The following DLGAP2 variants were observed in gnomAD, a reference collection of about 807,000 sequenced individuals.
The protein encoded by DLGAP2 is disks large-associated protein 2.
DLGAP2 carries 26 observed loss-of-function variants against 100.3 expected under a neutral mutation model. The ratio of observed to expected loss-of-function variants is 0.26; its 90% CI spans 0.19 to 0.36. DLGAP2 has a LOEUF of 0.36. Ranked by LOEUF, DLGAP2 falls within the 10% of genes least tolerant of loss-of-function variation. The probability of loss-of-function intolerance (pLI) is 1.00; values close to 1 mark genes in which losing one functional copy is unlikely to be tolerated. For synonymous variants in DLGAP2, 886 were observed against 630.1 expected, an observed-to-expected ratio of 1.41 and a Z score of -6.08; for missense variants, 1,858 against 1,453.2, an observed-to-expected ratio of 1.28 and a Z score of -4.53.
chr8:1,495,372 C>G lies in DLGAP2; in HGVS notation c.107-5994C>G, dbSNP rs59645763. On this transcript the variant is annotated intron_variant, in intron 3 of 14. Transcript: ENST00000637795. Reference sequence around the variant, plus strand: ...AGGCAGCCGAGGACGTTTACTGTCCCGTGTTACCCGGCCACACACCCCAGG... The same window carrying G: ...AGGCAGCCGAGGACGTTTACTGTCCGGTGTTACCCGGCCACACACCCCAGG... Among the ~76,000 whole-genome samples, 3 of 152,226 alleles carry G rather than the reference C, an allele frequency of 2.0e-5. No individual in the cohort carries two copies. The East Asian group carries it at 5.8e-4, about 29-fold the overall frequency.
At chr8:1,187,734 G>A (rs373967325) in intron 2 of DLGAP2, among the ~76,000 whole-genome samples, 4 of 141,072 alleles carry the variant, frequency 2.8e-5, no homozygotes, top group South Asian at 2.3e-4. Flanking sequence ...TCACACGCCC[G>A]AGACTTCCGT....
At chr8:1,021,493 C>G (rs185070742) in intron 2 of DLGAP2, among the ~76,000 whole-genome samples, 152 of 152,276 alleles carry the variant, frequency 1.0e-3, no homozygotes, top group African/African-American at 3.4e-3. Flanking sequence ...ATTTTTGGAC[C>G]AATTATGGGA....
chr8:1,397,878 C>T (rs372834783), intron 3 of DLGAP2, among the ~76,000 whole-genome samples: 173 of 1,080 alleles, frequency 0.16, 42 homozygotes, highest in South Asian at 0.58. Context: ...TGTGACGTTT[C>T]TGTTTTTTTT....
At chr8:1,492,360 AG>A (rs1799412766) in intron 3 of DLGAP2, among the ~76,000 whole-genome samples, 1 of 152,216 alleles carries the variant, frequency 6.6e-6, no homozygotes, top group African/African-American at 2.4e-5. Context: ...TCCTGTCATT[AG>A]GGAAGCGGCT....
chr8:979,171 A>G (rs1800258682), intron 2 of DLGAP2, among the ~76,000 whole-genome samples: 1 of 152,222 alleles, frequency 6.6e-6, no homozygotes, highest in African/African-American at 2.4e-5. Flanking sequence ...TTCAAAAGCA[A>G]TCACACTGAC....
chr8:1,199,930 G>A (rs576400766), intron 2 of DLGAP2, among the ~76,000 whole-genome samples: 2 of 141,366 alleles, frequency 1.4e-5, no homozygotes, highest in African/African-American at 5.4e-5. Context: ...CCACGAGGTG[G>A]AAGGATTCCC....
chr8:1,326,196 A>G (rs995845893), intron 3 of DLGAP2, among the ~76,000 whole-genome samples: 44 of 152,320 alleles, frequency 2.9e-4, no homozygotes, highest in African/African-American at 9.6e-4. Flanking sequence ...TGCTTTTACC[A>G]TTTGTCTTTA....
chr8:1,614,917 G>A (rs1297771288), intron 6 of DLGAP2, among the ~76,000 whole-genome samples: 1 of 152,238 alleles, frequency 6.6e-6, no homozygotes, highest in Non-Finnish European at 1.5e-5. Context: ...AGGAAGTAGA[G>A]ACTATTCACA....
At chr8:1,363,300 C>G (rs929279544) in intron 3 of DLGAP2, among the ~76,000 whole-genome samples, 2 of 152,040 alleles carry the variant, frequency 1.3e-5, no homozygotes, top group Admixed American at 6.5e-5. Flanking sequence ...TCTCCTGCCT[C>G]TGCCTTGCAG....
intron 3 of DLGAP2, among the ~76,000 whole-genome samples, chr8:1,410,796 T>G (rs1468707284): frequency 1.3e-5 from 2 of 152,206 alleles, no homozygotes; most frequent in Non-Finnish European, 2.9e-5. Context: ...ATGGCCACCT[T>G]TCCCTGTGGG....
intron 3 of DLGAP2, among the ~76,000 whole-genome samples, chr8:1,260,904 G>T (rs766664883): frequency 6.6e-6 from 1 of 152,214 alleles, no homozygotes; most frequent in East Asian, 1.9e-4. Flanking sequence ...CACCACTGAC[G>T]TCAGGCCAGA....
chr8:1,661,945 G>A (rs551778994), intron 8 of DLGAP2, among the ~76,000 whole-genome samples: 11 of 152,212 alleles, frequency 7.2e-5, no homozygotes, highest in Non-Finnish European at 7.3e-5. Flanking sequence ...TGGGTGCTCT[G>A]CCAGAGCAAG....
At chr8:1,002,140 G>A (rs960843891) in intron 2 of DLGAP2, 1 of 152,168 alleles carries the variant, frequency 6.6e-6, no homozygotes, top group Non-Finnish European at 1.5e-5. Context: ...CAGGGAATTC[G>A]ATCACTGGCT....
intron 3 of DLGAP2, among the ~76,000 whole-genome samples, chr8:1,449,803 G>T (rs1027416719): frequency 2.0e-5 from 3 of 149,808 alleles, no homozygotes; most frequent in African/African-American, 7.3e-5. Flanking sequence ...CTGGGCTGCC[G>T]TGAAGACGAG....
chr8:1,006,228 A>G (rs993482024), intron 2 of DLGAP2, among the ~76,000 whole-genome samples: 1 of 152,002 alleles, frequency 6.6e-6, no homozygotes, highest in Non-Finnish European at 1.5e-5. Flanking sequence ...CCATCCCCCA[A>G]CCCCTGAAAA....
chr8:941,580 G>C (rs1563105125), intron 2 of DLGAP2, among the ~76,000 whole-genome samples: 1 of 152,104 alleles, frequency 6.6e-6, no homozygotes, highest in African/African-American at 2.4e-5. Context: ...GGCGCTATTG[G>C]AAAAAATAAC....
At chr8:1,419,924 C>T (rs887111298) in intron 3 of DLGAP2, among the ~76,000 whole-genome samples, 1 of 152,162 alleles carries the variant, frequency 6.6e-6, no homozygotes, top group African/African-American at 2.4e-5. Context: ...ACCTGAGTGT[C>T]CATCAACAGA....
chr8:1,415,141 C>G (rs765734848), intron 3 of DLGAP2, among the ~76,000 whole-genome samples: 2 of 152,208 alleles, frequency 1.3e-5, no homozygotes, highest in Non-Finnish European at 2.9e-5. Context: ...CAGGTACACA[C>G]ATGCGTACAA....
intron 5 of DLGAP2, among the ~76,000 whole-genome samples, chr8:1,551,868 G>A (rs1470290342): frequency 7.2e-5 from 11 of 152,162 alleles, no homozygotes; most frequent in Admixed American, 6.5e-4. Flanking sequence ...ATTCCCCTGA[G>A]GGCTCACTGT....
Sources: gnomAD v4.1 joint callset for allele counts (sites outside exome capture counted in the v4.1 genomes callset) on GRCh38, gnomAD v4.1.1 for gene constraint, MANE v1.5 for transcripts, NCBI Gene and HGNC (gene_info 2026-07-23, HGNC 2026-07-21) for gene names.